The following AK4 variants were observed in gnomAD, a reference collection of about 807,000 sequenced individuals.
The protein encoded by AK4 is adenylate kinase 4.
A neutral mutation model predicts 24.6 loss-of-function variants in AK4; 13 were observed. That is an observed-to-expected ratio of 0.53 (90% CI 0.34 to 0.84). AK4 has a LOEUF of 0.84. Ranked by LOEUF, AK4 falls within the 40% of genes least tolerant of loss-of-function variation. The pLI is 0.01. For synonymous variants in AK4, 88 were observed against 107.0 expected, an observed-to-expected ratio of 0.82 and a Z score of 1.10; for missense variants, 192 against 288.2, an observed-to-expected ratio of 0.67 and a Z score of 2.42.
intron 2 of AK4, among the ~76,000 whole-genome samples, chr1:65,191,978 C>T (rs576607850): frequency 2.0e-5 from 3 of 152,288 alleles, no homozygotes; most frequent in East Asian, 3.9e-4. Flanking sequence ...ATGTTAGGTA[C>T]TACAGCCCCA....
At chr1:65,204,071 C>T (rs560004885) in intron 2 of AK4, among the ~76,000 whole-genome samples, 1 of 152,096 alleles carries the variant, frequency 6.6e-6, no homozygotes, top group Non-Finnish European at 1.5e-5. Flanking sequence ...TGAAATTCCA[C>T]CAGCCAGAAA....
At chr1:65,224,666 A>T (rs1418928385) in intron 3 of AK4, 86 bp from the exon 4 acceptor site, 1 of 974,368 alleles carries the variant, frequency 1.0e-6, no homozygotes, top group Admixed American at 1.8e-5. Context: ...GTTAAAGATG[A>T]ATACATGGTT....
At chr1:65,192,474 G>A (rs1225945185) in intron 2 of AK4, among the ~76,000 whole-genome samples, 1 of 152,154 alleles carries the variant, frequency 6.6e-6, no homozygotes, top group Non-Finnish European at 1.5e-5. Flanking sequence ...TTCAACATGA[G>A]TTTTGGAGGG....
In AK4 at chr1:65,148,336, A is replaced by G; in HGVS notation, c.-72A>G. Reference sequence around the variant, plus strand: ...TGCCAGAGGTAGGGGGCCGAGAAACAAAGTTCCCGGGGCTTCCTCCGGGGC... The same window carrying G: ...TGCCAGAGGTAGGGGGCCGAGAAACGAAGTTCCCGGGGCTTCCTCCGGGGC... On this transcript the variant is annotated 5_prime_UTR_variant, in exon 1 of 5. Transcript: ENST00000327299. 1 of 1,480,600 alleles carries G rather than the reference A, an allele frequency of 6.8e-7. No individual in the cohort carries two copies. The highest frequency in any genetic ancestry group is 2.5e-5 in the East Asian group (1 of 39,756). The allele number at this position is 1,480,600 out of a possible 1,614,324, so 91.7% of individuals were successfully genotyped here. A position where few individuals can be genotyped will look rare whatever the true frequency, so the allele number is the denominator to read the frequency against.
At position 65,199,546 on chromosome 1, in the gene AK4, G is replaced by A. The variant is rs959586506; in HGVS notation, c.265+8717G>A. On this transcript the variant is annotated intron_variant, in intron 2 of 4. Transcript: ENST00000327299. ...CCCAGGTGACAGTGCAGTAGCCCAG[G>A]CGACTCCATCTCAAAAAAGAAAAAA... 2.0e-5 allele frequency among the ~76,000 whole-genome samples: 3 copies of A among 151,852 alleles called. No individual in the cohort carries two copies. The South Asian group carries it at 6.2e-4, about 32-fold the overall frequency.
At chr1:65,176,124 T>A (rs2101017959) in intron 1 of AK4, among the ~76,000 whole-genome samples, 1 of 152,330 alleles carries the variant, frequency 6.6e-6, no homozygotes, top group African/African-American at 2.4e-5. Context: ...ATAATTGATC[T>A]GCTGGCGGAA....
At chr1:65,182,537 T>TAAAA (rs961359415) in intron 1 of AK4, among the ~76,000 whole-genome samples, 65 of 145,012 alleles carry the variant, frequency 4.5e-4, no homozygotes, top group African/African-American at 1.6e-3. Flanking sequence ...GACATTCAGA[T>TAAAA]AAAAAAAAAA....
chr1:65,148,845 G>A (rs1570049316), intron 1 of AK4, among the ~76,000 whole-genome samples: 2 of 152,168 alleles, frequency 1.3e-5, no homozygotes, highest in African/African-American at 4.8e-5. Flanking sequence ...AACTAGGCAG[G>A]GAAAACCCGG....
intron 3 of AK4, among the ~76,000 whole-genome samples, chr1:65,219,786 G>A (rs1337752806): frequency 6.6e-6 from 1 of 152,092 alleles, no homozygotes; most frequent in African/African-American, 2.4e-5. Context: ...GTTTTTTATA[G>A]TCTATGGATT....
chr1:65,203,373 CT>C (rs1651722066), intron 2 of AK4, among the ~76,000 whole-genome samples: 2 of 151,950 alleles, frequency 1.3e-5, no homozygotes, highest in African/African-American at 4.8e-5. Context: ...ATAGAAATAC[CT>C]TGATACTTAC....
At position 65,221,869 on chromosome 1, in the gene AK4, A is replaced by G. The variant is rs1652303008; in HGVS notation, c.439-2883A>G. Among the ~76,000 whole-genome samples the G allele has an allele frequency of 2.0e-5, 3 of 152,232 alleles. No individual in the cohort carries two copies. In the South Asian group the frequency reaches 6.2e-4, roughly 32 times the overall value. On this transcript the variant is annotated intron_variant, in intron 3 of 4. Transcript: ENST00000327299. Reference sequence around the variant, plus strand: ...GAAAGTGCTAACCTAGACCAGCTCTACCAGCTGTGGTGAAGTGGCTATGTT... The same window carrying G: ...GAAAGTGCTAACCTAGACCAGCTCTGCCAGCTGTGGTGAAGTGGCTATGTT...
At chr1:65,150,375 G>A (rs974261980) in intron 1 of AK4, among the ~76,000 whole-genome samples, 1 of 151,228 alleles carries the variant, frequency 6.6e-6, no homozygotes, top group Non-Finnish European at 1.5e-5. Flanking sequence ...CCTCCCTGGA[G>A]TGAGAAATGA....
At chr1:65,150,539 C>T (rs528416730) in intron 1 of AK4, among the ~76,000 whole-genome samples, 2 of 152,148 alleles carry the variant, frequency 1.3e-5, no homozygotes, top group African/African-American at 4.8e-5. Context: ...TTCGGGTTAT[C>T]GGATTATTTT....
intron 2 of AK4, among the ~76,000 whole-genome samples, chr1:65,202,204 T>TG (rs1651680936): frequency 1.4e-5 from 2 of 144,416 alleles, no homozygotes; most frequent in East Asian, 2.3e-4. Context: ...GAGACCGTCC[T>TG]GGCTAACACG....
intron 1 of AK4, among the ~76,000 whole-genome samples, chr1:65,162,857 G>A (rs1287936217): frequency 1.3e-5 from 2 of 152,124 alleles, no homozygotes; most frequent in African/African-American, 4.8e-5. Context: ...AGTTCTGTTT[G>A]TATGGATTTG....
At chr1:65,196,407 A>G (rs1651472769) in intron 2 of AK4, among the ~76,000 whole-genome samples, 1 of 152,168 alleles carries the variant, frequency 6.6e-6, no homozygotes, top group African/African-American at 2.4e-5. Flanking sequence ...TTGCTAAAAA[A>G]AAAGTTCAGC....
intron 1 of AK4, among the ~76,000 whole-genome samples, chr1:65,153,440 C>T (rs929334448): frequency 5.3e-5 from 8 of 151,982 alleles, no homozygotes; most frequent in South Asian, 4.1e-4. Context: ...CGGATAATTT[C>T]GTATTTTTTT....
In AK4 at chr1:65,148,343, C is replaced by T. The variant is rs1649634914; in HGVS notation, c.-65C>T. The T allele has an allele frequency of 2.0e-6, 3 of 1,495,642 alleles. No homozygotes were observed. The highest frequency in any genetic ancestry group is 1.8e-6 in the Non-Finnish European group (2 of 1,124,020). 92.6% of individuals were successfully genotyped at this position (1,495,642 alleles called of 1,614,324 possible). On this transcript the variant is annotated 5_prime_UTR_variant, in exon 1 of 5. Transcript: ENST00000327299. Reference sequence around the variant, plus strand: ...GGTAGGGGGCCGAGAAACAAAGTTCCCGGGGCTTCCTCCGGGGCCGCGGTC... The same window carrying T: ...GGTAGGGGGCCGAGAAACAAAGTTCTCGGGGCTTCCTCCGGGGCCGCGGTC...
intron 2 of AK4, among the ~76,000 whole-genome samples, chr1:65,201,799 G>A (rs1269804184): frequency 6.6e-6 from 1 of 152,094 alleles, no homozygotes; most frequent in Non-Finnish European, 1.5e-5. Flanking sequence ...ATAATTGGAA[G>A]GTGGGAATGA....
Sources: allele counts gnomAD v4.1 joint callset (sites outside exome capture counted in the v4.1 genomes callset), GRCh38; gene constraint gnomAD v4.1.1; transcripts MANE v1.5; gene names NCBI Gene and HGNC (gene_info 2026-07-23, HGNC 2026-07-21).